MSN: variants seen among roughly 807,000 people sequenced by gnomAD.
MSN encodes epididymis luminal protein 70.
Under a neutral mutation model 48.0 loss-of-function variants are expected in MSN, and 2 were observed. The observed-to-expected ratio is 0.04, with a 90% CI of 0.02 to 0.13. The LOEUF (loss-of-function observed/expected upper bound fraction) is 0.13. Among genes scored for constraint, MSN ranks in the 10% least tolerant of loss-of-function variants. MSN has a pLI of 1.00. For synonymous variants in MSN, 146 were observed against 166.9 expected, an observed-to-expected ratio of 0.87 and a Z score of 0.97; for missense variants, 267 against 470.1, an observed-to-expected ratio of 0.57 and a Z score of 3.99.
At chrX:65,681,215 A>G (rs947565999) in intron 1 of MSN, among the ~76,000 whole-genome samples, 3 of 111,616 alleles carry the variant, frequency 2.7e-5, no homozygotes, top group African/African-American at 6.5e-5. Flanking sequence ...ATAGTATTGT[A>G]CTATCTTCTA....
At position 65,731,199 on chromosome X, in the gene MSN, G is replaced by T. The variant is rs750405411; in HGVS notation, c.551+9G>T. ...CACCGTGGCATGCTCAGGTAAGCTTGCCCAAGCAGTGGTGGGCCCCACTTC... is the reference window on the plus strand; with the variant it reads ...CACCGTGGCATGCTCAGGTAAGCTTTCCCAAGCAGTGGTGGGCCCCACTTC... On this transcript the variant is annotated intron_variant, in intron 5 of 12. Transcript: ENST00000360270. The T allele has an allele frequency of 1.7e-6, 2 of 1,191,431 alleles. No individual in the cohort carries two copies. The highest frequency in any genetic ancestry group is 2.3e-6 in the Non-Finnish European group (2 of 881,598).
chrX:65,593,008 T>G (rs189675154), intron 1 of MSN, among the ~76,000 whole-genome samples: 1 of 111,860 alleles, frequency 8.9e-6, no homozygotes, highest in Non-Finnish European at 1.9e-5. Context: ...GTCACTGCAC[T>G]CTAGCCTGGG....
At chrX:65,633,387 G>A (rs2070573776) in intron 1 of MSN, among the ~76,000 whole-genome samples, 1 of 111,919 alleles carries the variant, frequency 8.9e-6, no homozygotes, top group South Asian at 3.7e-4. Context: ...TTATGCATTA[G>A]GCATATTTAC....
At chrX:65,594,358 A>G (rs2070170927) in intron 1 of MSN, among the ~76,000 whole-genome samples, 1 of 110,456 alleles carries the variant, frequency 9.1e-6, no homozygotes, top group Admixed American at 9.6e-5. Flanking sequence ...TTCCAAATAA[A>G]AGTAGAGAAG....
intron 1 of MSN, among the ~76,000 whole-genome samples, chrX:65,590,805 G>A (rs1465565213): frequency 9.0e-6 from 1 of 110,562 alleles, no homozygotes; most frequent in African/African-American, 3.3e-5. Context: ...GGGATGGGGG[G>A]TGGGGGAAAA....
chrX:65,670,122 C>T (rs986212203), intron 1 of MSN, among the ~76,000 whole-genome samples: 3 of 111,969 alleles, frequency 2.7e-5, no homozygotes, highest in African/African-American at 9.8e-5. Flanking sequence ...TGGTAAGGTT[C>T]GGTAGTGTCA....
chrX:65,680,504 A>C (rs2071043869), intron 1 of MSN, among the ~76,000 whole-genome samples: 1 of 111,820 alleles, frequency 8.9e-6, no homozygotes, highest in African/African-American at 3.3e-5. Context: ...TACTCCCAGC[A>C]TTTGCTAGTA....
intron 1 of MSN, among the ~76,000 whole-genome samples, chrX:65,615,483 T>G (rs1455576372): frequency 1.8e-5 from 2 of 110,552 alleles, no homozygotes; most frequent in Non-Finnish European, 3.8e-5. Flanking sequence ...TCATGTGTTT[T>G]TTGGCTGCAT....
intron 1 of MSN, among the ~76,000 whole-genome samples, chrX:65,681,225 A>G (rs1245460917): frequency 2.7e-5 from 3 of 111,570 alleles, no homozygotes; most frequent in Admixed American, 1.9e-4. Flanking sequence ...ACTATCTTCT[A>G]TGTGCCCACT....
intron 4 of MSN, 135 bp downstream of exon 4, chrX:65,729,847 C>A: frequency 1.5e-6 from 1 of 669,882 alleles, no homozygotes; most frequent in Non-Finnish European, 2.2e-6. Context: ...TTATGCTGCT[C>A]AAGAGACATT....
chrX:65,670,053 G>C (rs1023197093), intron 1 of MSN, among the ~76,000 whole-genome samples: 5 of 111,406 alleles, frequency 4.5e-5, no homozygotes, highest in African/African-American at 1.6e-4. Context: ...ATGGTCCTCA[G>C]ATAAAAGGAA....
chrX:65,613,485 C>A (rs1250638170), intron 1 of MSN, among the ~76,000 whole-genome samples: 1 of 114,259 alleles, frequency 8.8e-6, no homozygotes, highest in Non-Finnish European at 1.9e-5. Flanking sequence ...ATTTTCACTC[C>A]CACCAACAGT....
At chrX:65,615,823 G>A (rs1352337197) in intron 1 of MSN, among the ~76,000 whole-genome samples, 3 of 111,636 alleles carry the variant, frequency 2.7e-5, no homozygotes, top group Admixed American at 1.9e-4. Context: ...TTCTTCTAGG[G>A]TTTTTGTGGT....
intron 2 of MSN, among the ~76,000 whole-genome samples, chrX:65,720,924 A>T (rs772267590): frequency 8.9e-6 from 1 of 112,064 alleles, no homozygotes; most frequent in Non-Finnish European, 1.9e-5. Context: ...TAGAGGGGAG[A>T]GAGAACATGT....
intron 1 of MSN, among the ~76,000 whole-genome samples, chrX:65,617,113 A>G (rs1373260019): frequency 9.4e-6 from 1 of 106,456 alleles, no homozygotes; most frequent in Non-Finnish European, 1.9e-5. Flanking sequence ...GTTTGCCAGT[A>G]TTTTATTGAG....
chrX:65,607,839 G>T (rs2070290223), intron 1 of MSN, among the ~76,000 whole-genome samples: 1 of 111,681 alleles, frequency 9.0e-6, no homozygotes, highest in African/African-American at 3.3e-5. Context: ...ATAAGGAAAA[G>T]TCACTGGGCG....
intron 1 of MSN, among the ~76,000 whole-genome samples, chrX:65,709,780 T>G (rs1233176761): frequency 2.7e-5 from 3 of 112,351 alleles, no homozygotes; most frequent in African/African-American, 9.7e-5. Context: ...GAAAATTATT[T>G]CCAATATTGT....
chrX:65,602,904 A>G (rs2070248842), intron 1 of MSN, among the ~76,000 whole-genome samples: 1 of 111,344 alleles, frequency 9.0e-6, no homozygotes, highest in South Asian at 3.8e-4. Flanking sequence ...CTTAAAGACT[A>G]CTGTAACTGG....
chrX:65,646,424 G>A lies in MSN; in HGVS notation c.-22+57812G>A, dbSNP rs190069160. Among the ~76,000 whole-genome samples, 6 of 111,685 alleles carry A rather than the reference G, an allele frequency of 5.4e-5. No individual in the cohort carries two copies. The Admixed American group carries it at 5.8e-4, about 11-fold the overall frequency. On this transcript the variant is annotated intron_variant, in intron 1 of 3. Transcript: ENST00000609672. ...GAGATGAATGAGTTGAGAGATAGCT[G>A]GCCCAGAGGAGATAACGATAACATA... is the stretch of plus-strand genomic sequence containing the variant.
Sources: gnomAD v4.1 joint callset for allele counts (sites outside exome capture counted in the v4.1 genomes callset) on GRCh38, gnomAD v4.1.1 for gene constraint, MANE v1.5 for transcripts, NCBI Gene and HGNC (gene_info 2026-07-23, HGNC 2026-07-21) for gene names.